MATN3: variants seen among roughly 807,000 people sequenced by gnomAD.
MATN3 encodes the protein matrilin-3.
A neutral mutation model predicts 45.3 loss-of-function variants in MATN3; 48 were observed. The ratio of observed to expected loss-of-function variants is 1.06; its 90% CI spans 0.84 to 1.35. MATN3 has a LOEUF of 1.35. Among genes scored for constraint, MATN3 ranks in the 40% most tolerant of loss-of-function variants. MATN3 has a pLI of 0.00. For synonymous variants in MATN3, 217 were observed against 245.9 expected, an observed-to-expected ratio of 0.88 and a Z score of 1.10; for missense variants, 599 against 628.0, an observed-to-expected ratio of 0.95 and a Z score of 0.49.
intron 7 of MATN3, 38 bp from the exon 8 acceptor site, chr2:19,993,204 A>C (rs1672794884): frequency 6.9e-7 from 1 of 1,446,544 alleles, no homozygotes; most frequent in South Asian, 1.1e-5. Context: ...TTATTTTTAC[A>C]CATTAGAAAA....
At chr2:20,010,066 CTAAAAAAA>C (rs1319185920) in intron 1 of MATN3, among the ~76,000 whole-genome samples, 1 of 5,564 alleles carries the variant, frequency 1.8e-4, no homozygotes, top group Non-Finnish European at 2.5e-4. Context: ...TCTTCAAATA[CTAAAAAAA>C]AAAAAAAAAA....
rs568471452 is a variant in MATN3 at position 20,003,476 on chromosome 2, T to G, written c.791-190A>C. 1.6e-4 allele frequency among the ~76,000 whole-genome samples: 24 copies of G among 152,346 alleles called. No individual in the cohort carries two copies. The South Asian group carries it at 4.8e-3, about 30-fold the overall frequency. On this transcript the variant is annotated intron_variant, in intron 2 of 7. Transcript: ENST00000407540. Reference sequence around the variant, plus strand: ...CTACTCTTAAACTAGAAATTGTTGCTAATTTAAAAGTACACATCTTGCTAT... The same window carrying G: ...CTACTCTTAAACTAGAAATTGTTGCGAATTTAAAAGTACACATCTTGCTAT...
intron 6 of MATN3, 113 bp downstream of exon 6, chr2:19,997,021 G>T: frequency 1.8e-6 from 2 of 1,142,576 alleles, no homozygotes; most frequent in East Asian, 2.5e-5. Flanking sequence ...GGAGCCACTG[G>T]AGAATTCTGA....
At chr2:20,000,645 A>T in intron 4 of MATN3, 79 bp from the exon 5 acceptor site, 1 of 1,388,736 alleles carries the variant, frequency 7.2e-7, no homozygotes, top group Non-Finnish European at 9.7e-7. Context: ...CCTTATTTGC[A>T]GCTGGAAACA....
chr2:20,005,829 A>G lies in MATN3; in HGVS notation c.705T>C (p.Ser235=), dbSNP rs557780276. Reference sequence around the variant, plus strand: ...AGAAAACATGCTCCTCTAGGGGCTCACTGGCCATCATCTTGAGGGACGCCA... The same window carrying G: ...AGAAAACATGCTCCTCTAGGGGCTCGCTGGCCATCATCTTGAGGGACGCCA... ...ADMASLKMMA[S]EPLEEHVFYV... is the part of the protein sequence containing the mutation. Residue 235 remains serine, a synonymous_variant, in exon 2 of 8, where the codon AGT becomes AGC. Coordinates refer to ENST00000407540, the MANE Select transcript of MATN3 (RefSeq NM_002381.5). 14 of 1,610,722 alleles carry G rather than the reference A, an allele frequency of 8.7e-6. No individual in the cohort carries two copies. In the South Asian group the frequency reaches 1.4e-4, roughly 17 times the overall value.
At chr2:20,008,391 T>C (rs544408923) in intron 1 of MATN3, among the ~76,000 whole-genome samples, 8 of 152,202 alleles carry the variant, frequency 5.3e-5, no homozygotes, top group African/African-American at 1.9e-4. Flanking sequence ...AGGCAGAAGT[T>C]GATGCTACTC....
chr2:20,009,456 A>C (rs1007608382), intron 1 of MATN3, among the ~76,000 whole-genome samples: 13 of 152,024 alleles, frequency 8.6e-5, no homozygotes, highest in African/African-American at 2.7e-4. Context: ...AGGGAGGGGA[A>C]CATCACACAC....
chr2:20,006,463 T>C (rs1468570355), intron 1 of MATN3, among the ~76,000 whole-genome samples, 153 bp from the exon 2 acceptor site: 1 of 152,088 alleles, frequency 6.6e-6, no homozygotes, highest in Non-Finnish European at 1.5e-5. Flanking sequence ...CATCGGGGTG[T>C]TGAAAGCACC....
At chr2:20,008,644 C>G (rs953312462) in intron 1 of MATN3, among the ~76,000 whole-genome samples, 5 of 152,022 alleles carry the variant, frequency 3.3e-5, no homozygotes, top group Non-Finnish European at 7.4e-5. Context: ...AACACATCAA[C>G]CTGTGAGGCT....
At chr2:19,994,882 A>C (rs1189590886) in intron 6 of MATN3, among the ~76,000 whole-genome samples, 1 of 152,138 alleles carries the variant, frequency 6.6e-6, no homozygotes, top group Non-Finnish European at 1.5e-5. Flanking sequence ...TGAGGCCAGG[A>C]GTTCAAGACC....
chr2:19,999,491 T>A (rs896836856), intron 5 of MATN3, among the ~76,000 whole-genome samples: 1 of 152,034 alleles, frequency 6.6e-6, no homozygotes, highest in African/African-American at 2.4e-5. Context: ...TCTGCTTTCA[T>A]AAGGAGCCGG....
At chr2:19,997,348 TC>T in intron 5 of MATN3, 89 bp from the exon 6 acceptor site, 1 of 1,379,014 alleles carries the variant, frequency 7.3e-7, no homozygotes, top group Non-Finnish European at 9.8e-7. Context: ...TTCCATTTGG[TC>T]CCCACAAGTG....
chr2:19,998,775 A>AAT (rs1553326852), intron 5 of MATN3, among the ~76,000 whole-genome samples: 9,042 of 150,962 alleles, frequency 0.06, 273 homozygotes, highest in African/African-American at 0.074. Flanking sequence ...AAGAAAAAAA[A>AAT]ATATATATAT....
At chr2:20,000,692 T>C (rs1672969119) in intron 4 of MATN3, 126 bp from the exon 5 acceptor site, 1 of 893,162 alleles carries the variant, frequency 1.1e-6, no homozygotes, top group South Asian at 1.8e-5. Context: ...TCAAAGCCAT[T>C]GGCACTGTTT....
rs568874783 is a variant in MATN3 at position 20,003,351 on chromosome 2, A to G, written c.791-65T>C. The G allele has an allele frequency of 1.7e-4, 250 of 1,475,746 alleles. 1 individual carries two copies. In the East Asian group the frequency reaches 5.7e-3, roughly 33 times the overall value. The allele number at this position is 1,475,746 out of a possible 1,614,324, so 91.4% of individuals were successfully genotyped here. A position where few individuals can be genotyped will look rare whatever the true frequency, so the allele number is the denominator to read the frequency against. ...GGAAACATCTCAGATACCGTCTCCC[A>G]TGTCAATAGACATTGCTCTCTGGGC... On this transcript the variant is annotated intron_variant, in intron 2 of 7. Coordinates refer to ENST00000407540, the MANE Select transcript of MATN3 (RefSeq NM_002381.5).
intron 1 of MATN3, among the ~76,000 whole-genome samples, chr2:20,009,591 C>G (rs758427542): frequency 6.6e-6 from 1 of 152,040 alleles, no homozygotes; most frequent in Non-Finnish European, 1.5e-5. Context: ...GCACATGTAT[C>G]CCTATGTAAC....
In MATN3 at chr2:19,992,125, A is replaced by G. The variant is rs1672769536; in HGVS notation, c.*986T>C. ...ATAGACATGATAATATGTAAAGGTA[A>G]TAACTTTTATTATATTAAAGACAAT... On this transcript the variant is annotated 3_prime_UTR_variant, in exon 8 of 8. Transcript: ENST00000407540. 1 of 152,194 alleles carries G rather than the reference A, an allele frequency of 6.6e-6. No individual in the cohort carries two copies. Among genetic ancestry groups the G allele is most frequent in the Admixed American group, 6.5e-5 (1 of 15,284 alleles). The allele number at this position is 152,194 out of a possible 1,614,324, so 9.4% of individuals were successfully genotyped here. A position where few individuals can be genotyped will look rare whatever the true frequency, so the allele number is the denominator to read the frequency against.
intron 2 of MATN3, 112 bp downstream of exon 2, chr2:20,005,632 T>G: frequency 2.2e-6 from 2 of 909,794 alleles, no homozygotes; most frequent in Non-Finnish European, 3.3e-6. Context: ...ATTGGATATA[T>G]TTAAGTTTTT....
chr2:19,999,490 A>G (rs1038605781), intron 5 of MATN3, among the ~76,000 whole-genome samples: 3 of 151,998 alleles, frequency 2.0e-5, no homozygotes, highest in African/African-American at 7.3e-5. Flanking sequence ...CTCTGCTTTC[A>G]TAAGGAGCCG....
Sources: allele counts gnomAD v4.1 joint callset (sites outside exome capture counted in the v4.1 genomes callset), GRCh38; gene constraint gnomAD v4.1.1; transcripts MANE v1.5; gene names NCBI Gene and HGNC (gene_info 2026-07-23, HGNC 2026-07-21).